The following CACNB2 variants were observed in gnomAD, a reference collection of about 807,000 sequenced individuals.
CACNB2 encodes voltage-dependent L-type calcium channel subunit beta-2.
In CACNB2, 42 loss-of-function variants were observed where a neutral mutation model predicts 73.3. The observed-to-expected ratio is 0.57, with a 90% CI of 0.45 to 0.74. The LOEUF (loss-of-function observed/expected upper bound fraction) is 0.74, where lower values mean the gene tolerates loss of function less well. CACNB2 is among the 30% of genes least tolerant of loss of function. The probability of loss-of-function intolerance (pLI) is 0.00; values close to 1 mark genes in which losing one functional copy is unlikely to be tolerated. For synonymous variants in CACNB2, 348 were observed against 310.3 expected, an observed-to-expected ratio of 1.12 and a Z score of -1.28; for missense variants, 940 against 853.0, an observed-to-expected ratio of 1.10 and a Z score of -1.27.
intron 2 of CACNB2, among the ~76,000 whole-genome samples, chr10:18,173,271 T>C (rs1413064892): frequency 6.6e-6 from 1 of 152,208 alleles, no homozygotes; most frequent in Non-Finnish European, 1.5e-5. Context: ...ATGATGGAGA[T>C]GAAATAAGGA....
intron 7 of CACNB2, among the ~76,000 whole-genome samples, chr10:18,515,450 C>T (rs981273918): frequency 1.3e-5 from 2 of 152,188 alleles, no homozygotes; most frequent in African/African-American, 4.8e-5. Flanking sequence ...GATGTCAAAT[C>T]TGTCTATCCT....
chr10:18,451,084 T>C (rs951553972), intron 3 of CACNB2, among the ~76,000 whole-genome samples: 5 of 152,226 alleles, frequency 3.3e-5, no homozygotes, highest in Admixed American at 3.3e-4. Context: ...TCTATTAAAG[T>C]CAGCTCTATA....
intron 2 of CACNB2, among the ~76,000 whole-genome samples, chr10:18,391,148 A>G (rs1283919453): frequency 1.3e-5 from 2 of 152,200 alleles, no homozygotes; most frequent in East Asian, 1.9e-4. Context: ...CAACTGGCCT[A>G]TAGTTGACAT....
chr10:18,511,424 AAAT>A (rs2050776833), intron 6 of CACNB2, among the ~76,000 whole-genome samples: 1 of 152,216 alleles, frequency 6.6e-6, no homozygotes. Context: ...CAAAACTGAA[AAAT>A]AATGTAATGC....
chr10:18,492,646 A>C (rs1176158101), intron 3 of CACNB2, among the ~76,000 whole-genome samples: 1 of 151,352 alleles, frequency 6.6e-6, no homozygotes, highest in African/African-American at 2.4e-5. Context: ...AAAGAAAAAA[A>C]GAAAAGAAAA....
intron 1 of CACNB2, among the ~76,000 whole-genome samples, chr10:18,144,166 C>T (rs147009913): frequency 1.3e-4 from 20 of 152,326 alleles, no homozygotes; most frequent in African/African-American, 4.8e-4. Context: ...CAACCTCCAC[C>T]TCCTGGTTTC....
At chr10:18,184,649 G>GTTTTT (rs201899870) in intron 2 of CACNB2, among the ~76,000 whole-genome samples, 1 of 87,780 alleles carries the variant, frequency 1.1e-5, no homozygotes, top group Non-Finnish European at 2.2e-5. Context: ...CTCAGACTTT[G>GTTTTT]TTTTTTTTTT....
chr10:18,331,751 A>G (rs1031382579), intron 2 of CACNB2, among the ~76,000 whole-genome samples: 3 of 152,174 alleles, frequency 2.0e-5, no homozygotes, highest in African/African-American at 2.4e-5. Flanking sequence ...GTTAATGGCA[A>G]CAGAGCCGGG....
intron 2 of CACNB2, among the ~76,000 whole-genome samples, chr10:18,282,025 T>A (rs899918914): frequency 6.6e-6 from 1 of 150,872 alleles, no homozygotes; most frequent in African/African-American, 2.4e-5. Flanking sequence ...GTTATTAAAG[T>A]TGTGGACATA....
intron 2 of CACNB2, among the ~76,000 whole-genome samples, chr10:18,201,132 A>G (rs956081576): frequency 6.6e-6 from 1 of 152,284 alleles, no homozygotes; most frequent in Admixed American, 6.5e-5. Context: ...CATTTTATCT[A>G]TGCATTACTA....
chr10:18,474,506 A>G (rs2048341040), intron 3 of CACNB2, among the ~76,000 whole-genome samples: 3 of 152,192 alleles, frequency 2.0e-5, no homozygotes, highest in Non-Finnish European at 4.4e-5. Context: ...TAGACTGTAC[A>G]AAGGTGGAGA....
At chr10:18,384,433 T>C (rs1044284735) in intron 2 of CACNB2, among the ~76,000 whole-genome samples, 2 of 152,036 alleles carry the variant, frequency 1.3e-5, no homozygotes, top group Non-Finnish European at 2.9e-5. Flanking sequence ...TAAAGTAGTA[T>C]GAATATGGTT....
At chr10:18,352,087 G>T (rs1265109758) in intron 2 of CACNB2, among the ~76,000 whole-genome samples, 1 of 152,184 alleles carries the variant, frequency 6.6e-6, no homozygotes, top group Non-Finnish European at 1.5e-5. Flanking sequence ...CAATGCCCAA[G>T]ATGAATAGGC....
chr10:18,189,709 T>C (rs998898161), intron 2 of CACNB2, among the ~76,000 whole-genome samples: 1 of 152,206 alleles, frequency 6.6e-6, no homozygotes, highest in African/African-American at 2.4e-5. Context: ...AAGATATCTT[T>C]TTAGAATTTG....
intron 3 of CACNB2, among the ~76,000 whole-genome samples, chr10:18,496,836 GAAAAAAAGA>G (rs1362999290): frequency 1.7e-3 from 230 of 139,370 alleles, no homozygotes; most frequent in African/African-American, 3.6e-3. Context: ...AAAAAAAAAG[GAAAAAAAGA>G]AAAAAAAAGT....
At chr10:18,511,868 G>C (rs1001955585) in intron 6 of CACNB2, among the ~76,000 whole-genome samples, 1 of 152,154 alleles carries the variant, frequency 6.6e-6, no homozygotes, top group Non-Finnish European at 1.5e-5. Flanking sequence ...TGTGGTATAC[G>C]GAGGGTTATA....
rs568520905 is a variant in CACNB2, at chr10:18,260,529, T to A, written c.213+109554T>A. ...CTCTGGCGATCCTCCTTACAATTCA[T>A]GTGAAATACCTACTGCAGGACAAAG... On this transcript the variant is annotated intron_variant, in intron 2 of 13. Transcript: ENST00000324631. The A allele has an allele frequency of 5.1e-6, 5 of 985,580 alleles. No homozygotes were observed. In the African/African-American group the frequency reaches 8.7e-5, roughly 17 times the overall value. The allele number at this position is 985,580 out of a possible 1,614,324, so 61.1% of individuals were successfully genotyped here.
chr10:18,361,952 CCT>C (rs971682777), intron 2 of CACNB2, among the ~76,000 whole-genome samples: 5 of 152,134 alleles, frequency 3.3e-5, no homozygotes, highest in Admixed American at 1.3e-4. Context: ...AAAACCAACC[CCT>C]GTTTCTAACT....
At chr10:18,310,639 AAAG>A (rs2039927132) in intron 2 of CACNB2, among the ~76,000 whole-genome samples, 1 of 150,124 alleles carries the variant, frequency 6.7e-6, no homozygotes, top group East Asian at 1.9e-4. Context: ...GTAAAAAAAA[AAAG>A]AAAATTATAA....
Sources: allele counts gnomAD v4.1 joint callset (sites outside exome capture counted in the v4.1 genomes callset), GRCh38; gene constraint gnomAD v4.1.1; transcripts MANE v1.5; gene names NCBI Gene and HGNC (gene_info 2026-07-23, HGNC 2026-07-21).